STPG4: variants seen among roughly 807,000 people sequenced by gnomAD.
The protein encoded by STPG4 is protein STPG4.
A neutral mutation model predicts 31.5 loss-of-function variants in STPG4; 41 were observed. The observed-to-expected ratio is 1.30, with a 90% CI of 1.01 to 1.69. The LOEUF is 1.69. Ranked by LOEUF, STPG4 falls within the 40% of genes most tolerant of loss-of-function variation. The pLI, the probability that STPG4 is intolerant of heterozygous loss-of-function variation, is 0.00. For synonymous variants in STPG4, 141 were observed against 103.0 expected (o/e 1.37, Z -2.24); for missense variants, 375 against 293.4 (o/e 1.28, Z -2.03).
chr2:47,152,539 C>G (rs1458336710), intron 2 of STPG4, among the ~76,000 whole-genome samples: 1 of 152,184 alleles, frequency 6.6e-6, no homozygotes, highest in Non-Finnish European at 1.5e-5. Flanking sequence ...GGTCATTTTT[C>G]TTCCATATAT....
intron 3 of STPG4, among the ~76,000 whole-genome samples, chr2:47,150,033 A>G (rs1340320755): frequency 6.6e-6 from 1 of 152,224 alleles, no homozygotes; most frequent in Non-Finnish European, 1.5e-5. Context: ...CTACTTAAGT[A>G]TTAGCAATGT....
intron 5 of STPG4, 23 bp from the exon 6 acceptor site, chr2:47,090,397 CTTCA>C (rs774671983): frequency 6.9e-7 from 1 of 1,448,640 alleles, no homozygotes; most frequent in South Asian, 1.2e-5. Flanking sequence ...TAAAAAATTG[CTTCA>C]TTATTATTGT....
chr2:47,121,107 G>A (rs927786916), intron 5 of STPG4: 22 of 154,318 alleles, frequency 1.4e-4, no homozygotes, highest in African/African-American at 5.3e-4. Context: ...AGAAAAGCTG[G>A]GGAATTTAAG....
intron 5 of STPG4, among the ~76,000 whole-genome samples, chr2:47,101,769 T>C (rs945449090): frequency 2.0e-5 from 3 of 151,854 alleles, no homozygotes; most frequent in Non-Finnish European, 4.4e-5. Flanking sequence ...TCAGAAATTG[T>C]ATCCTTCCTA....
At chr2:47,118,968 T>TA (rs1558679245) in intron 5 of STPG4, among the ~76,000 whole-genome samples, 1 of 152,234 alleles carries the variant, frequency 6.6e-6, no homozygotes, top group Admixed American at 6.5e-5. Flanking sequence ...AACTGAATGA[T>TA]AAAATCAACC....
chr2:47,127,244 A>AGCTC (rs1219512446), intron 5 of STPG4, among the ~76,000 whole-genome samples: 33 of 102,346 alleles, frequency 3.2e-4, no homozygotes, highest in African/African-American at 1.4e-3. Flanking sequence ...CTTGTCTTCA[A>AGCTC]GCTAATTCTT....
chr2:47,145,627 A>T (rs11890068), intron 3 of STPG4, among the ~76,000 whole-genome samples: 13,652 of 152,308 alleles, frequency 0.09, 836 homozygotes, highest in Non-Finnish European at 0.12. Context: ...TCACATACAC[A>T]TAAGAAAACA....
Position 47,116,486 on chromosome 2 carries a change from T to C in STPG4, c.519+13455A>G, listed in dbSNP as rs563314402. On this transcript the variant is annotated intron_variant, in intron 5 of 6. Coordinates refer to ENST00000445927, the MANE Select transcript of STPG4 (RefSeq NM_001163561.2). ...ATTCCCAACATAGCAACTCTGTAAA[T>C]TTTATTTTTTCTTATTTTGTAGACG... Among the ~76,000 whole-genome samples, 5 of 152,326 alleles carry C rather than the reference T, an allele frequency of 3.3e-5. 1 individual carries two copies. The South Asian group carries it at 1.0e-3, about 32-fold the overall frequency.
At chr2:47,132,383 G>A (rs553876990) in intron 3 of STPG4, among the ~76,000 whole-genome samples, 13 of 152,222 alleles carry the variant, frequency 8.5e-5, no homozygotes, top group Non-Finnish European at 1.5e-4. Flanking sequence ...TGTTAAAAAG[G>A]CATCTACCTC....
rs1479070927 is a variant in STPG4, at chr2:47,087,145, G to A, written c.625-15C>T. ...CCTGGGGTTTTCTGAAAACAGAGCA[G>A]AAAACAGGGACTGATGAGACAGTGA... is the stretch of plus-strand genomic sequence containing the variant. On this transcript the variant is annotated splice_polypyrimidine_tract_variant and intron_variant, in intron 6 of 6. Coordinates refer to ENST00000445927, the MANE Select transcript of STPG4 (RefSeq NM_001163561.2). 1 of 1,551,444 alleles carries A rather than the reference G, an allele frequency of 6.4e-7. No individual in the cohort carries two copies. The highest frequency in any genetic ancestry group is 2.4e-5 in the East Asian group (1 of 40,912).
chr2:47,098,771 A>AT (rs58130931), intron 5 of STPG4, among the ~76,000 whole-genome samples: 9 of 150,406 alleles, frequency 6.0e-5, no homozygotes, highest in Admixed American at 2.0e-4. Context: ...AAAAAAAAAA[A>AT]GCCCCTCAGC....
intron 5 of STPG4, among the ~76,000 whole-genome samples, chr2:47,120,610 CTTAT>C (rs1284649937): frequency 6.6e-6 from 1 of 151,946 alleles, no homozygotes; most frequent in Non-Finnish European, 1.5e-5. Context: ...CCAGTTCCCC[CTTAT>C]TTGACATCTA....
chr2:47,153,069 TTAAATA>T, intron 1 of STPG4, 53 bp from the exon 2 acceptor site: 1 of 1,297,412 alleles, frequency 7.7e-7, no homozygotes, highest in Non-Finnish European at 1.1e-6. Flanking sequence ...TCCCTTGAAA[TTAAATA>T]TAATTTATAA....
At chr2:47,123,435 A>C (rs1450956615) in intron 5 of STPG4, among the ~76,000 whole-genome samples, 1 of 152,114 alleles carries the variant, frequency 6.6e-6, no homozygotes, top group Non-Finnish European at 1.5e-5. Flanking sequence ...CTGCCTTCAT[A>C]AGCTTACGTT....
chr2:47,113,709 A>G (rs577305698), intron 5 of STPG4, among the ~76,000 whole-genome samples: 2 of 152,340 alleles, frequency 1.3e-5, no homozygotes, highest in East Asian at 3.9e-4. Context: ...AATCTTTAGT[A>G]AATCCCATTT....
At chr2:47,100,468 A>G in intron 5 of STPG4, among the ~76,000 whole-genome samples, 1 of 149,272 alleles carries the variant, frequency 6.7e-6, no homozygotes, top group African/African-American at 2.5e-5. Context: ...CACACCAATC[A>G]GCGCCCTGTC....
At chr2:47,142,163 A>G (rs1263524200) in intron 3 of STPG4, among the ~76,000 whole-genome samples, 1 of 151,102 alleles carries the variant, frequency 6.6e-6, no homozygotes. Flanking sequence ...AGATTTTTCA[A>G]CCTCTCTCTC....
At chr2:47,139,848 C>T (rs1426396457) in intron 3 of STPG4, among the ~76,000 whole-genome samples, 4 of 152,022 alleles carry the variant, frequency 2.6e-5, no homozygotes, top group African/African-American at 9.7e-5. Context: ...AAATCTCAGC[C>T]CACTGCACCC....
At chr2:47,109,409 T>C (rs1317816601) in intron 5 of STPG4, among the ~76,000 whole-genome samples, 1 of 151,994 alleles carries the variant, frequency 6.6e-6, no homozygotes, top group African/African-American at 2.4e-5. Flanking sequence ...ATACAAAAAT[T>C]AGCTGGGCAT....
Sources: allele counts gnomAD v4.1 joint callset (sites outside exome capture counted in the v4.1 genomes callset), GRCh38; gene constraint gnomAD v4.1.1; transcripts MANE v1.5; gene names NCBI Gene and HGNC (gene_info 2026-07-23, HGNC 2026-07-21).